Variants in PKD2L1 observed in about 807,000 individuals in gnomAD.
PKD2L1 encodes polycystin-2-like protein 1.
In PKD2L1, 77 loss-of-function variants were observed where a neutral mutation model predicts 93.0. The observed-to-expected ratio is 0.83, with a 90% CI of 0.69 to 1.00. PKD2L1 has a LOEUF of 1.00. PKD2L1 is among the 50% of genes least tolerant of loss of function. PKD2L1 has a pLI of 0.00. For synonymous variants in PKD2L1, 390 were observed against 388.0 expected, an observed-to-expected ratio of 1.01 and a Z score of -0.06; for missense variants, 977 against 990.9, an observed-to-expected ratio of 0.99 and a Z score of 0.19.
intron 11 of PKD2L1, among the ~76,000 whole-genome samples, chr10:100,292,453 A>G (rs796825386): frequency 6.6e-5 from 10 of 152,048 alleles, no homozygotes; most frequent in African/African-American, 2.4e-4. Flanking sequence ...AGATTGTGCA[A>G]CTGCACTCCA....
chr10:100,288,327 T>C lies in PKD2L1; in HGVS notation c.*69A>G. On this transcript the variant is annotated 3_prime_UTR_variant, in exon 16 of 16. Coordinates refer to ENST00000318222, the MANE Select transcript of PKD2L1 (RefSeq NM_016112.3). ...GGTTAAAGCCCACTCAGTTTCCAGG[T>C]TCAGTGGACCAGGAGGCAGCCTCTT... is the stretch of plus-strand genomic sequence containing the variant. 3.1e-6 allele frequency: 3 copies of C among 969,568 alleles called. 1 individual carries two copies. The highest frequency in any genetic ancestry group is 5.0e-6 in the Non-Finnish European group (3 of 595,546). 60.1% of individuals were successfully genotyped at this position (969,568 alleles called of 1,614,324 possible).
chr10:100,312,059 T>C (rs952919355), intron 2 of PKD2L1, among the ~76,000 whole-genome samples: 5 of 152,182 alleles, frequency 3.3e-5, no homozygotes, highest in African/African-American at 1.2e-4. Context: ...TGAATGTTAT[T>C]GGGTCATTCC....
chr10:100,293,236 G>A (rs902147164), intron 10 of PKD2L1, 45 bp downstream of exon 10: 1 of 1,518,720 alleles, frequency 6.6e-7, no homozygotes. Context: ...GCCTTAGACT[G>A]GGGCACTGAT....
intron 2 of PKD2L1, among the ~76,000 whole-genome samples, chr10:100,301,170 GC>G (rs1848665934): frequency 6.6e-6 from 1 of 152,194 alleles, no homozygotes; most frequent in African/African-American, 2.4e-5. Flanking sequence ...GAGATCACAT[GC>G]TTCAAGGGTG....
chr10:100,314,989 AGGAAGGAAGGAAGGAAGGAAGGAAG>A (rs1849049036), intron 2 of PKD2L1, among the ~76,000 whole-genome samples: 2 of 13,036 alleles, frequency 1.5e-4, no homozygotes, highest in Middle Eastern at 0.038. Flanking sequence ...GAAGGAAGGA[AGGAAGGAAGGAAGGAAGGAAGGAAG>A]GGAAGGGAAG....
intron 2 of PKD2L1, among the ~76,000 whole-genome samples, chr10:100,321,688 AAAG>A (rs1849236093): frequency 6.9e-4 from 1 of 1,454 alleles, no homozygotes; most frequent in Non-Finnish European, 1.7e-3. Context: ...AGAAAGAAAG[AAAG>A]AAAGAAAGAA....
chr10:100,299,149 G>T (rs189850729), intron 3 of PKD2L1, among the ~76,000 whole-genome samples: 57 of 152,102 alleles, frequency 3.7e-4, no homozygotes, highest in Non-Finnish European at 6.8e-4. Context: ...TAGAGACAGG[G>T]TTTCACCATG....
chr10:100,305,114 CTTTT>C (rs11329633), intron 2 of PKD2L1, among the ~76,000 whole-genome samples: 10 of 139,086 alleles, frequency 7.2e-5, no homozygotes, highest in African/African-American at 1.6e-4. Flanking sequence ...CTCTTCTTGT[CTTTT>C]TTTTTTTTTT....
intron 2 of PKD2L1, among the ~76,000 whole-genome samples, chr10:100,317,477 T>C (rs372704800): frequency 6.6e-6 from 1 of 151,758 alleles, no homozygotes; most frequent in African/African-American, 2.4e-5. Flanking sequence ...AGGTCAAGGG[T>C]ACAGTGAGCC....
At chr10:100,312,566 C>T (rs548970729) in intron 2 of PKD2L1, among the ~76,000 whole-genome samples, 35 of 152,182 alleles carry the variant, frequency 2.3e-4, no homozygotes, top group South Asian at 4.1e-4. Flanking sequence ...AGTCTCTCAG[C>T]GGATGGAATA....
chr10:100,326,257 T>C (rs921057342), intron 2 of PKD2L1, among the ~76,000 whole-genome samples: 3 of 152,216 alleles, frequency 2.0e-5, no homozygotes, highest in Non-Finnish European at 4.4e-5. Context: ...TCTCATGCCT[T>C]ATAAGGCCCC....
At chr10:100,290,328 G>A in intron 13 of PKD2L1, 73 bp downstream of exon 13, 1 of 1,294,466 alleles carries the variant, frequency 7.7e-7, no homozygotes, top group Non-Finnish European at 1.1e-6. Flanking sequence ...GAAAGTTGTG[G>A]GAAAAGTACA....
chr10:100,325,002 T>A (rs964161741), intron 2 of PKD2L1, among the ~76,000 whole-genome samples: 4 of 152,178 alleles, frequency 2.6e-5, no homozygotes, highest in Admixed American at 1.3e-4. Context: ...GTATTCCCAA[T>A]CCTTAGGCAG....
chr10:100,313,479 A>C (rs1007062467), intron 2 of PKD2L1, among the ~76,000 whole-genome samples: 3 of 152,202 alleles, frequency 2.0e-5, no homozygotes, highest in African/African-American at 7.2e-5. Context: ...TAACTAAGTT[A>C]ATAGAGTTGG....
At chr10:100,322,396 G>A (rs1218200908) in intron 2 of PKD2L1, among the ~76,000 whole-genome samples, 2 of 151,974 alleles carry the variant, frequency 1.3e-5, no homozygotes, top group South Asian at 2.1e-4. Context: ...GCATGGTCGT[G>A]GGCGCCTGTA....
intron 4 of PKD2L1, among the ~76,000 whole-genome samples, chr10:100,297,900 A>G (rs980913190): frequency 2.6e-5 from 4 of 152,144 alleles, no homozygotes; most frequent in African/African-American, 9.7e-5. Context: ...AAATGACAGA[A>G]CTGAAACTCA....
intron 2 of PKD2L1, among the ~76,000 whole-genome samples, chr10:100,324,575 A>T (rs1849335366): frequency 6.6e-6 from 1 of 152,184 alleles, no homozygotes. Flanking sequence ...TATTTTTTTA[A>T]TGAACAGTCT....
intron 2 of PKD2L1, among the ~76,000 whole-genome samples, chr10:100,312,335 A>G (rs3844556): frequency 0.57 from 87,189 of 152,008 alleles, 25,303 homozygotes; most frequent in Admixed American, 0.68. Flanking sequence ...CCTATGACAC[A>G]TGGCCAGTTT....
chr10:100,289,950 T>C (rs1232460173), intron 14 of PKD2L1, 65 bp downstream of exon 14: 1 of 1,593,180 alleles, frequency 6.3e-7, no homozygotes, highest in East Asian at 2.2e-5. Context: ...CCCCACCCAC[T>C]GAGTGGAAAA....
Sources: gnomAD v4.1 joint callset for allele counts (sites outside exome capture counted in the v4.1 genomes callset) on GRCh38, gnomAD v4.1.1 for gene constraint, MANE v1.5 for transcripts, NCBI Gene and HGNC (gene_info 2026-07-23, HGNC 2026-07-21) for gene names.